NAV2: variants seen among roughly 807,000 people sequenced by gnomAD.
NAV2 encodes the protein helicase, APC down-regulated 1.
Under a neutral mutation model 223.2 loss-of-function variants are expected in NAV2, and 54 were observed. The ratio of observed to expected loss-of-function variants is 0.24; its 90% CI spans 0.19 to 0.30. The LOEUF is 0.30. NAV2 is among the 10% of genes least tolerant of loss of function. The probability of loss-of-function intolerance (pLI) is 1.00; values close to 1 mark genes in which losing one functional copy is unlikely to be tolerated. For synonymous variants in NAV2, 1,279 were observed against 1,239.3 expected (o/e 1.03, Z -0.67); for missense variants, 2,806 against 3,147.5 (o/e 0.89, Z 2.60).
intron 1 of NAV2, among the ~76,000 whole-genome samples, chr11:19,680,916 T>G (rs1462176518): frequency 6.6e-6 from 1 of 152,226 alleles, no homozygotes; most frequent in Non-Finnish European, 1.5e-5. Flanking sequence ...CTTTAGGAAT[T>G]TATTTCAGAC....
intron 1 of NAV2, among the ~76,000 whole-genome samples, chr11:19,537,512 AG>A (rs1218663384): frequency 2.6e-5 from 4 of 152,232 alleles, no homozygotes; most frequent in African/African-American, 9.6e-5. Flanking sequence ...CTCAGTACCA[AG>A]CCCTTCCTGC....
intron 4 of NAV2, among the ~76,000 whole-genome samples, chr11:19,869,498 T>TAAA (rs1395372871): frequency 6.6e-6 from 1 of 152,216 alleles, no homozygotes; most frequent in Non-Finnish European, 1.5e-5. Context: ...AGTTTTTAAT[T>TAAA]AAATTTGGTG....
At chr11:19,892,145 G>A (rs1018526683) in intron 5 of NAV2, among the ~76,000 whole-genome samples, 1 of 152,146 alleles carries the variant, frequency 6.6e-6, no homozygotes. Flanking sequence ...TTTTAGCAGA[G>A]ATGGGGTTTT....
intron 1 of NAV2, among the ~76,000 whole-genome samples, chr11:19,475,188 CTCTT>C (rs746432334): frequency 1.5e-4 from 23 of 152,304 alleles, no homozygotes; most frequent in South Asian, 1.5e-3. Context: ...GATTGAGTCT[CTCTT>C]TCTGATATAT....
chr11:19,485,919 A>G (rs1490636381), intron 1 of NAV2, among the ~76,000 whole-genome samples: 2 of 152,060 alleles, frequency 1.3e-5, no homozygotes, highest in African/African-American at 4.8e-5. Flanking sequence ...GGAAAGCTTG[A>G]ACCTGATTGC....
intron 1 of NAV2, among the ~76,000 whole-genome samples, chr11:19,544,076 G>A (rs2044415764): frequency 6.6e-6 from 1 of 152,148 alleles, no homozygotes; most frequent in African/African-American, 2.4e-5. Context: ...TGGGTTTGTG[G>A]TTCTCAATAC....
chr11:19,555,359 T>C (rs1254709050), intron 1 of NAV2, among the ~76,000 whole-genome samples: 1 of 152,216 alleles, frequency 6.6e-6, no homozygotes, highest in East Asian at 1.9e-4. Flanking sequence ...GCAAGGTCTA[T>C]CACCTTGGGC....
chr11:19,681,874 TCAGGAGGCTGCGTG>T (rs2048889202), intron 1 of NAV2, among the ~76,000 whole-genome samples: 1 of 152,190 alleles, frequency 6.6e-6, no homozygotes, highest in Admixed American at 6.5e-5. Flanking sequence ...TCTGGCAGCC[TCAGGAGGCTGCGTG>T]GTGGTTTCAT....
At chr11:19,878,131 C>T (rs2062970649) in intron 4 of NAV2, among the ~76,000 whole-genome samples, 1 of 152,226 alleles carries the variant, frequency 6.6e-6, no homozygotes, top group Admixed American at 6.5e-5. Flanking sequence ...TGCATCCTGA[C>T]TTGTCCACAT....
intron 3 of NAV2, among the ~76,000 whole-genome samples, chr11:19,850,860 A>G (rs1246769275): frequency 2.0e-5 from 3 of 152,216 alleles, no homozygotes; most frequent in African/African-American, 7.2e-5. Flanking sequence ...TAACCATCCT[A>G]TAGAATGAGG....
intron 1 of NAV2, among the ~76,000 whole-genome samples, chr11:19,540,031 G>A (rs1316578523): frequency 6.6e-6 from 1 of 152,228 alleles, no homozygotes; most frequent in Non-Finnish European, 1.5e-5. Flanking sequence ...GGCTGACTGA[G>A]AGGGACAATT....
chr11:19,444,660 G>C (rs142648459), intron 1 of NAV2, among the ~76,000 whole-genome samples: 8 of 152,086 alleles, frequency 5.3e-5, no homozygotes, highest in African/African-American at 1.4e-4. Context: ...GATCTTACCT[G>C]TTAAAGCAGC....
intron 1 of NAV2, among the ~76,000 whole-genome samples, chr11:19,433,487 GA>G (rs1851106419): frequency 6.6e-6 from 1 of 152,240 alleles, no homozygotes; most frequent in Non-Finnish European, 1.5e-5. Context: ...TGCCTAAAAG[GA>G]GGAAATGAAA....
chr11:19,570,488 C>T (rs925471596), intron 1 of NAV2, among the ~76,000 whole-genome samples: 2 of 152,144 alleles, frequency 1.3e-5, no homozygotes, highest in Non-Finnish European at 2.9e-5. Context: ...CTTTTCTACA[C>T]CAAATGACAG....
At chr11:19,587,673 G>T (rs1246142674) in intron 1 of NAV2, among the ~76,000 whole-genome samples, 2 of 152,186 alleles carry the variant, frequency 1.3e-5, no homozygotes, top group Non-Finnish European at 2.9e-5. Flanking sequence ...AATCCCAAGA[G>T]CTCTTCTGAA....
chr11:19,881,216 A>C (rs1200751408), intron 5 of NAV2, among the ~76,000 whole-genome samples: 2 of 152,184 alleles, frequency 1.3e-5, no homozygotes, highest in Non-Finnish European at 2.9e-5. Flanking sequence ...TAAAACCAGC[A>C]CTGATGGGTG....
intron 2 of NAV2, among the ~76,000 whole-genome samples, chr11:19,837,635 T>C (rs113872610): frequency 0.013 from 1,898 of 151,676 alleles, 33 homozygotes; most frequent in Middle Eastern, 0.041. Flanking sequence ...AAACTAATCA[T>C]AAGGAATCTC....
At chr11:19,674,568 A>G (rs879154530) in intron 1 of NAV2, among the ~76,000 whole-genome samples, 1 of 152,226 alleles carries the variant, frequency 6.6e-6, no homozygotes, top group African/African-American at 2.4e-5. Flanking sequence ...ACCTCCTTCA[A>G]ACAAAAGGTG....
chr11:19,870,952 CAGA>C (rs2062450115), intron 4 of NAV2, among the ~76,000 whole-genome samples: 1 of 152,162 alleles, frequency 6.6e-6, no homozygotes, highest in South Asian at 2.1e-4. Flanking sequence ...AGCATTGCTT[CAGA>C]AGATGTTATA....
Sources: gnomAD v4.1 joint callset for allele counts (sites outside exome capture counted in the v4.1 genomes callset) on GRCh38, gnomAD v4.1.1 for gene constraint, MANE v1.5 for transcripts, NCBI Gene and HGNC (gene_info 2026-07-23, HGNC 2026-07-21) for gene names.